The following TNRC6B variants were observed in gnomAD, a reference collection of about 807,000 sequenced individuals.
TNRC6B encodes trinucleotide repeat containing adaptor 6B, also known as trinucleotide repeat-containing gene 6B protein.
Under a neutral mutation model 203.6 loss-of-function variants are expected in TNRC6B, and 52 were observed. That is an observed-to-expected ratio of 0.26 (90% CI 0.20 to 0.32). TNRC6B has a LOEUF of 0.32. TNRC6B is among the 10% of genes least tolerant of loss of function. The pLI, the probability that TNRC6B is intolerant of heterozygous loss-of-function variation, is 1.00. For synonymous variants in TNRC6B, 838 were observed against 845.7 expected, an observed-to-expected ratio of 0.99 and a Z score of 0.16; for missense variants, 1,923 against 2,286.2, an observed-to-expected ratio of 0.84 and a Z score of 3.24.
chr22:40,294,377 C>A (rs1436745503), intron 12 of TNRC6B, among the ~76,000 whole-genome samples: 2 of 152,200 alleles, frequency 1.3e-5, no homozygotes, highest in African/African-American at 4.8e-5. Context: ...CCGTATGTGT[C>A]TCTATCTTCA....
rs563218479 is a variant in TNRC6B at position 40,160,424 on chromosome 22, C to T, written c.113+4242C>T. On this transcript the variant is annotated intron_variant, in intron 4 of 23. Transcript: ENST00000301923. ...CTGGGAGGCGGAGGTTGCAGTGAGC[C>T]GAGATTGTGCCATTGCACTCCAGCC... 5.2e-3 allele frequency among the ~76,000 whole-genome samples: 736 copies of T among 142,530 alleles called. 10 individuals carry two copies. The highest frequency in any genetic ancestry group is 0.019 in the African/African-American group (703 of 37,178). 93.5% of individuals were successfully genotyped at this position (142,530 alleles called of 152,430 possible).
At chr22:40,202,026 G>A (rs867536378) in intron 1 of TNRC6B, among the ~76,000 whole-genome samples, 1 of 152,218 alleles carries the variant, frequency 6.6e-6, no homozygotes, top group East Asian at 1.9e-4. Context: ...AAAGGGTCAC[G>A]TAATGTTAAT....
At chr22:40,136,813 T>TAAATTACTGC (rs1192482774) in intron 3 of TNRC6B, among the ~76,000 whole-genome samples, 3 of 152,134 alleles carry the variant, frequency 2.0e-5, no homozygotes, top group African/African-American at 7.2e-5. Context: ...TTACTGCAAA[T>TAAATTACTGC]AAATATTTAC....
chr22:40,246,834 C>G (rs913442543), intron 2 of TNRC6B, among the ~76,000 whole-genome samples: 2 of 151,958 alleles, frequency 1.3e-5, no homozygotes. Context: ...GGGAGAATTA[C>G]AAGTAGAAAC....
chr22:40,165,760 GA>G (rs906083403), intron 4 of TNRC6B, among the ~76,000 whole-genome samples: 6 of 152,104 alleles, frequency 3.9e-5, no homozygotes, highest in South Asian at 2.1e-4. Context: ...CAATGGGGGG[GA>G]AAGCTCCTTA....
rs933010797 is a variant in TNRC6B, at chr22:40,335,698, GAT to G, written c.*12460_*12461del. The G allele has an allele frequency of 6.9e-5, 10 of 144,950 alleles. No homozygotes were observed. In the East Asian group the frequency reaches 1.2e-3, roughly 17 times the overall value. The allele number at this position is 144,950 out of a possible 1,614,324, so 9.0% of individuals were successfully genotyped here. A position where few individuals can be genotyped will look rare whatever the true frequency, so the allele number is the denominator to read the frequency against. ...TTTTTATTTTATTTTATTTTGGAAAGATATGATTGTATTATGTGCAACTCAGT... is the reference window on the plus strand; with the variant it reads ...TTTTTATTTTATTTTATTTTGGAAAGATGATTGTATTATGTGCAACTCAGT... On this transcript the variant is annotated 3_prime_UTR_variant, in exon 23 of 23. Transcript: ENST00000454349.
At chr22:40,152,678 G>A (rs1166816525) in intron 3 of TNRC6B, among the ~76,000 whole-genome samples, 4 of 151,548 alleles carry the variant, frequency 2.6e-5, no homozygotes, top group African/African-American at 7.3e-5. Flanking sequence ...TCACCATGTT[G>A]GCCAGGATGA....
At chr22:40,106,013 C>T (rs993921719) in intron 1 of TNRC6B, among the ~76,000 whole-genome samples, 1 of 152,074 alleles carries the variant, frequency 6.6e-6, no homozygotes, top group Non-Finnish European at 1.5e-5. Flanking sequence ...TTGCATCAAC[C>T]TTACTTACTA....
chr22:40,170,031 G>T (rs1057491736), intron 4 of TNRC6B, among the ~76,000 whole-genome samples: 2 of 151,626 alleles, frequency 1.3e-5, no homozygotes, highest in East Asian at 3.9e-4. Context: ...TATAATCGTG[G>T]CACTTTGGGA....
chr22:40,136,371 T>TTGTGTGTGTGTGTGTGTGTGTG (rs56246561), intron 3 of TNRC6B, among the ~76,000 whole-genome samples: 5 of 141,118 alleles, frequency 3.5e-5, no homozygotes, highest in Non-Finnish European at 6.1e-5. Flanking sequence ...TATGTTTATC[T>TTGTGTGTGTGTGTGTGTGTGTG]TGTGTGTGTG....
At chr22:40,197,832 G>A (rs1442746282) in intron 1 of TNRC6B, among the ~76,000 whole-genome samples, 1 of 151,146 alleles carries the variant, frequency 6.6e-6, no homozygotes, top group African/African-American at 2.4e-5. Context: ...GGCTGGTCTT[G>A]AACTCCTGGG....
chr22:40,152,946 C>T (rs1483866084), intron 3 of TNRC6B, among the ~76,000 whole-genome samples: 1 of 151,630 alleles, frequency 6.6e-6, no homozygotes, highest in Non-Finnish European at 1.5e-5. Context: ...ACTAAAAATA[C>T]AAAAAATTAG....
At chr22:40,293,105 TCTA>T (rs908464565) in intron 12 of TNRC6B, among the ~76,000 whole-genome samples, 38 of 152,272 alleles carry the variant, frequency 2.5e-4, no homozygotes, top group African/African-American at 8.9e-4. Context: ...ATTTACCTAT[TCTA>T]CTACCAGGTC....
At chr22:40,313,859 G>A (rs1338233807) in intron 19 of TNRC6B, among the ~76,000 whole-genome samples, 1 of 152,150 alleles carries the variant, frequency 6.6e-6, no homozygotes, top group African/African-American at 2.4e-5. Context: ...TTCACCAAAG[G>A]CTATGAGTAA....
At chr22:40,188,259 C>A (rs368042124) in intron 1 of TNRC6B, among the ~76,000 whole-genome samples, 2 of 152,108 alleles carry the variant, frequency 1.3e-5, no homozygotes, top group East Asian at 3.9e-4. Flanking sequence ...TGCTTGGAAT[C>A]AAACCTTGTT....
At chr22:40,194,188 G>T (rs2069308072) in intron 1 of TNRC6B, among the ~76,000 whole-genome samples, 1 of 152,212 alleles carries the variant, frequency 6.6e-6, no homozygotes, top group Non-Finnish European at 1.5e-5. Context: ...AAGGAGTCTG[G>T]GTTGGAGGAG....
chr22:40,159,644 A>G (rs996837826), intron 4 of TNRC6B, among the ~76,000 whole-genome samples: 2 of 139,576 alleles, frequency 1.4e-5, no homozygotes, highest in Admixed American at 7.2e-5. Flanking sequence ...ATCTTAAAAC[A>G]TTAAAAAAAA....
At chr22:40,171,346 A>G (rs1217243976) in intron 4 of TNRC6B, among the ~76,000 whole-genome samples, 1 of 151,758 alleles carries the variant, frequency 6.6e-6, no homozygotes, top group Non-Finnish European at 1.5e-5. Context: ...TATTCTTAGT[A>G]GAGATGGGGT....
intron 1 of TNRC6B, among the ~76,000 whole-genome samples, chr22:40,240,077 C>T (rs530273817): frequency 2.2e-4 from 33 of 152,176 alleles, no homozygotes; most frequent in Non-Finnish European, 4.0e-4. Flanking sequence ...ATGATTTGCC[C>T]GCCTCAGCCT....
Sources: allele counts gnomAD v4.1 joint callset (sites outside exome capture counted in the v4.1 genomes callset), GRCh38; gene constraint gnomAD v4.1.1; transcripts MANE v1.5; gene names NCBI Gene and HGNC (gene_info 2026-07-23, HGNC 2026-07-21).